Variants in F5 observed in about 807,000 individuals in gnomAD.
The protein encoded by F5 is activated protein c cofactor.
Under a neutral mutation model 216.4 loss-of-function variants are expected in F5, and 138 were observed. That is an observed-to-expected ratio of 0.64 (90% CI 0.56 to 0.73). The LOEUF is 0.73. F5 is among the 30% of genes least tolerant of loss of function. The pLI is 0.00. For synonymous variants in F5, 916 were observed against 930.7 expected (o/e 0.98, Z 0.29); for missense variants, 2,403 against 2,674.0 (o/e 0.90, Z 2.24).
chr1:169,550,270 T>TCCC (rs1272186330), intron 9 of F5, among the ~76,000 whole-genome samples: 7 of 88,978 alleles, frequency 7.9e-5, no homozygotes, highest in South Asian at 4.4e-4. Context: ...CCTAATGCTA[T>TCCC]CCCTCCCCCC....
chr1:169,586,285 G>C lies in F5; in HGVS notation c.102C>G (p.Phe34Leu). The C allele has an allele frequency of 1.2e-6, 2 of 1,614,200 alleles. No individual in the cohort carries two copies. The highest frequency in any genetic ancestry group is 1.7e-6 in the Non-Finnish European group (2 of 1,180,026). The change falls in exon 1 of 25, where the codon TTC (phenylalanine) becomes TTG (leucine). Residue 34 changes from phenylalanine (F) to leucine (L), a missense_variant. Physicochemically the swap from Phe to Leu is conservative, Grantham distance 22 (BLOSUM62 0). Coordinates refer to ENST00000367797, the MANE Select transcript of F5 (RefSeq NM_000130.5). ...QGTEAAQLRQ[F>L]YVAAQGISWS... ...AACTGATGCCCTGAGCAGCCACGTA[G>C]AACTGCCTTAGCTGTGCCGCTTCTG...
intron 7 of F5, among the ~76,000 whole-genome samples, chr1:169,553,491 G>T (rs1038660148): frequency 6.6e-6 from 1 of 152,192 alleles, no homozygotes; most frequent in Non-Finnish European, 1.5e-5. Context: ...GGCAAATCAC[G>T]AGGTCAGGAG....
chr1:169,538,908 T>G (rs920475513), intron 13 of F5, among the ~76,000 whole-genome samples: 1 of 152,110 alleles, frequency 6.6e-6, no homozygotes, highest in Non-Finnish European at 1.5e-5. Context: ...TGATATAGTA[T>G]TATAGATTTG....
chr1:169,583,379 A>T (rs1661030950), intron 1 of F5, among the ~76,000 whole-genome samples: 2 of 152,234 alleles, frequency 1.3e-5, no homozygotes, highest in Non-Finnish European at 2.9e-5. Context: ...CCCAGCCATA[A>T]TCAAGACATA....
chr1:169,537,776 G>A (rs1229574447), intron 13 of F5, among the ~76,000 whole-genome samples: 4 of 152,064 alleles, frequency 2.6e-5, no homozygotes, highest in Non-Finnish European at 4.4e-5. Flanking sequence ...AAATCACAAT[G>A]AGGGCTCACC....
intron 21 of F5, among the ~76,000 whole-genome samples, chr1:169,521,124 A>G (rs542870178): frequency 6.6e-6 from 1 of 152,310 alleles, no homozygotes. Context: ...ATAGCGAGAT[A>G]TGATAGAAAA....
chr1:169,518,656 C>G, intron 22 of F5, 93 bp from the exon 23 acceptor site: 1 of 1,322,810 alleles, frequency 7.6e-7, no homozygotes, highest in Non-Finnish European at 1.1e-6. Flanking sequence ...ATATTACTAC[C>G]AACAAATGAC....
chr1:169,526,030 GAAC>G lies in F5; in HGVS notation c.5600-16_5600-14del, dbSNP rs765009728. ...GTTTTAAATGAACCTAAAATAAAAA[GAAC>G]AACATTACATTTGCAAAAATTAACA... On this transcript the variant is annotated splice_polypyrimidine_tract_variant and intron_variant, in intron 17 of 24. Transcript: ENST00000367797. The G allele has an allele frequency of 7.0e-6, 11 of 1,573,600 alleles. 1 individual carries two copies. The highest frequency in any genetic ancestry group is 8.7e-6 in the Non-Finnish European group (10 of 1,144,788).
intron 2 of F5, among the ~76,000 whole-genome samples, chr1:169,581,245 T>C (rs764433964): frequency 6.6e-6 from 1 of 152,146 alleles, no homozygotes; most frequent in Admixed American, 6.5e-5. Flanking sequence ...TAATGTCTAG[T>C]AGTAAAAGAA....
chr1:169,578,072 C>G (rs1416885603), intron 2 of F5, among the ~76,000 whole-genome samples: 1 of 152,086 alleles, frequency 6.6e-6, no homozygotes, highest in Non-Finnish European at 1.5e-5. Context: ...TCTTCTCAGT[C>G]AAAATAAAAG....
intron 3 of F5, among the ~76,000 whole-genome samples, chr1:169,563,945 G>T (rs965450018): frequency 3.3e-5 from 5 of 151,914 alleles, no homozygotes; most frequent in African/African-American, 9.7e-5. Flanking sequence ...TATTAACATT[G>T]TGAATTTACA....
chr1:169,525,776 G>A, intron 18 of F5, 125 bp downstream of exon 18: 1 of 777,238 alleles, frequency 1.3e-6, no homozygotes. Context: ...AGCAATTATG[G>A]CTACAAATTA....
intron 6 of F5, 90 bp from the exon 7 acceptor site, chr1:169,555,437 G>A: frequency 1.5e-6 from 2 of 1,325,950 alleles, no homozygotes; most frequent in Admixed American, 1.9e-5. Context: ...CTTGTGGAAG[G>A]TTTATATTAA....
chr1:169,540,423 G>A lies in F5; in HGVS notation c.4667C>T (p.Thr1556Ile). The A allele has an allele frequency of 1.2e-6, 2 of 1,614,018 alleles. No homozygotes were observed. The highest frequency in any genetic ancestry group is 1.7e-6 in the Non-Finnish European group (2 of 1,179,952). The change falls in exon 13 of 25, where the codon ACA becomes ATA. Residue 1556 changes from threonine (T) to isoleucine (I), a missense_variant. Transcript: ENST00000367797. ...AGGATCTCTGGAGGAGTTGATGTTT[G>A]TCCTAACATCAGTTTTGTAGGGGTC... ...YDDPYKTDVRTNINSSRDPDN... is the reference protein window; with the variant it reads ...YDDPYKTDVRININSSRDPDN...
chr1:169,555,304 T>G lies in F5; in HGVS notation c.996A>C (p.Lys332Asn), dbSNP rs143509841. 1.9e-4 allele frequency: 309 copies of G among 1,614,018 alleles called. No homozygotes were observed. The highest frequency in any genetic ancestry group is 2.1e-4 in the Non-Finnish European group (244 of 1,180,024). The change falls in exon 7 of 25, where the codon AAA becomes AAC. Residue 332 changes from lysine to asparagine, a missense_variant. Physicochemically the swap from Lys to Asn is moderately conservative, Grantham distance 94. This residue lies in a region of F5 where 1,425 missense variants were observed against 1,554.8 expected (regional missense o/e 0.92). Coordinates refer to ENST00000367797, the MANE Select transcript of F5 (RefSeq NM_000130.5). ...AYIDIKNCPK[K>N]TRNLKKITRE... ...GAGTTATTTTCTTAAGATTCCTGGT[T>G]TTCTTTGGGCAGTTTTTAATGTCAA...
chr1:169,548,355 T>TA (rs945415330), intron 10 of F5, among the ~76,000 whole-genome samples: 85 of 143,112 alleles, frequency 5.9e-4, no homozygotes, highest in East Asian at 4.6e-3. Context: ...AACTTAAGAG[T>TA]AAAAAAAAAA....
intron 9 of F5, among the ~76,000 whole-genome samples, chr1:169,550,281 G>A (rs140906366): frequency 7.2e-4 from 23 of 31,816 alleles, no homozygotes; most frequent in South Asian, 1.8e-3. Flanking sequence ...CCCTCCCCCC[G>A]CCCCCCACCC....
chr1:169,542,833 G>T lies in F5; in HGVS notation c.2257C>A (p.Leu753Ile), dbSNP rs148882378. The T allele has an allele frequency of 2.4e-5, 39 of 1,614,034 alleles. No homozygotes were observed. In the Middle Eastern group the frequency reaches 4.9e-4, roughly 20 times the overall value. Residue 753 changes from leucine (L) to isoleucine (I), a missense_variant, in exon 13 of 25, where the codon CTT (leucine) becomes ATT (isoleucine). Transcript: ENST00000367797. ...CCATTCTCCAGAGCTAGGGCAGTAA[G>T]ATTGAACTCTTCTTCTTCCTGATTC... is the stretch of plus-strand genomic sequence containing the variant. ...SLNQEEEEFN[L>I]TALALENGTE...
intron 3 of F5, 113 bp downstream of exon 3, chr1:169,572,108 T>C: frequency 2.6e-6 from 3 of 1,162,424 alleles, no homozygotes; most frequent in Non-Finnish European, 3.6e-6. Context: ...TAATTACCAG[T>C]TGCAAGAGAT....
Sources: allele counts gnomAD v4.1 joint callset (sites outside exome capture counted in the v4.1 genomes callset), GRCh38; gene constraint gnomAD v4.1.1; regional missense constraint gnomAD v4.1.1; transcripts MANE v1.5; gene names NCBI Gene and HGNC (gene_info 2026-07-23, HGNC 2026-07-21).